Variants in PCDHA9 observed in about 807,000 individuals in gnomAD.
PCDHA9 encodes the protein protocadherin alpha-9.
A neutral mutation model predicts 62.0 loss-of-function variants in PCDHA9; 62 were observed. That is an observed-to-expected ratio of 1.00 (90% CI 0.81 to 1.23). PCDHA9 has a LOEUF of 1.23. Among genes scored for constraint, PCDHA9 ranks in the 50% most tolerant of loss-of-function variants. PCDHA9 has a pLI of 0.00. For synonymous variants in PCDHA9, 557 were observed against 567.6 expected (o/e 0.98, Z 0.27); for missense variants, 1,205 against 1,249.8 (o/e 0.96, Z 0.54).
intron 1 of PCDHA9, among the ~76,000 whole-genome samples, chr5:140,885,031 AT>A (rs1165183992): frequency 6.6e-6 from 1 of 152,198 alleles, no homozygotes; most frequent in Non-Finnish European, 1.5e-5. Flanking sequence ...AATTTAAAAA[AT>A]TTTTAGTTTA....
chr5:140,902,225 A>G (rs1454445915), intron 1 of PCDHA9, among the ~76,000 whole-genome samples: 1 of 114,610 alleles, frequency 8.7e-6, no homozygotes, highest in African/African-American at 3.5e-5. Context: ...TTTTTTTGAG[A>G]TGAGGACTTG....
chr5:140,849,831 GC>G lies in PCDHA9; in HGVS notation c.1338del (p.Asp447ThrfsTer2). 1 of 1,598,564 alleles carries G rather than the reference GC, an allele frequency of 6.3e-7. No individual in the cohort carries two copies. The highest frequency in any genetic ancestry group is 8.6e-7 in the Non-Finnish European group (1 of 1,167,986). ...CACGGCCAGGGTGTCTGTGGAGGTGGCCGACGTGAACGACAACGCACCAGCG... is the reference window on the plus strand; with the variant it reads ...CACGGCCAGGGTGTCTGTGGAGGTGGCGACGTGAACGACAACGCACCAGCG... ...WATARVSVEV[A>X]DVNDNAPAFA... is the part of the protein sequence containing the mutation. On this transcript the variant is annotated frameshift_variant, in exon 1 of 4. Transcript: ENST00000532602. LOFTEE classifies it high-confidence loss of function.
Position 140,848,624 on chromosome 5 carries a change from C to T in PCDHA9, c.129C>T (p.Thr43=). 2 of 1,593,432 alleles carry T rather than the reference C, an allele frequency of 1.3e-6. No homozygotes were observed. Among genetic ancestry groups the T allele is most frequent in the South Asian group, 2.2e-5 (2 of 90,312 alleles). ...TCCCGGAGGAAGCCGAACACGGCAC[C>T]TTCGTGGGCCGCATCGCGCAGGACC... ...YSVPEEAEHG[T]FVGRIAQDLG... Residue 43 remains threonine (T), a synonymous_variant, in exon 1 of 4, where the codon ACC becomes ACT. Coordinates refer to ENST00000532602, the MANE Select transcript of PCDHA9 (RefSeq NM_031857.2).
chr5:140,852,671 T>C (rs1371221007), intron 1 of PCDHA9: 3 of 965,758 alleles, frequency 3.1e-6, no homozygotes, highest in East Asian at 1.1e-4. Context: ...TCAGCACAAC[T>C]CACCTTGAAT....
At position 140,848,937 on chromosome 5, in the gene PCDHA9, C is replaced by G; in HGVS notation, c.442C>G (p.Leu148Val). Reference sequence around the variant, plus strand: ...TCTGTTCATCGCGGAATCCAGGCCGCTTGACTCTCGGTTTCCACTAGAGGG... The same window carrying G: ...TCTGTTCATCGCGGAATCCAGGCCGGTTGACTCTCGGTTTCCACTAGAGGG... ...KNLFIAESRPLDSRFPLEGAS... is the reference protein window; with the variant it reads ...KNLFIAESRPVDSRFPLEGAS... Residue 148 changes from leucine (L) to valine (V), a missense_variant, in exon 1 of 4, where the codon CTT becomes GTT. Leu to Val is a conservative substitution (Grantham distance 32, BLOSUM62 1). This residue lies in a region of PCDHA9 where 208 missense variants were observed against 213.2 expected (regional missense o/e 0.98). Transcript: ENST00000532602. The G allele has an allele frequency of 1.2e-6, 2 of 1,607,518 alleles. No individual in the cohort carries two copies. Among genetic ancestry groups the G allele is most frequent in the Non-Finnish European group, 1.7e-6 (2 of 1,176,888 alleles).
At chr5:140,886,368 C>T (rs1174734883) in intron 1 of PCDHA9, among the ~76,000 whole-genome samples, 2 of 152,040 alleles carry the variant, frequency 1.3e-5, no homozygotes, top group South Asian at 4.1e-4. Context: ...GGTGTACATG[C>T]CATGGTGTGC....
At position 141,010,202 on chromosome 5, in the gene PCDHA9, G is replaced by C; in HGVS notation, c.*265G>C. 6.4e-7 allele frequency: 1 copy of C among 1,551,944 alleles called. No homozygotes were observed. The highest frequency in any genetic ancestry group is 8.7e-7 in the Non-Finnish European group (1 of 1,147,050). The stretch of plus-strand genomic sequence containing the variant: ...CAGACCCAAGTTTCCTTTCTCCTCC[G>C]CCGCAAAGGAGAGGCTTCCCAGCCC... On this transcript the variant is annotated 3_prime_UTR_variant, in exon 4 of 4. Coordinates refer to ENST00000532602, the MANE Select transcript of PCDHA9 (RefSeq NM_031857.2).
intron 1 of PCDHA9, among the ~76,000 whole-genome samples, chr5:140,894,543 T>C (rs782418710): frequency 2.6e-5 from 4 of 152,088 alleles, no homozygotes; most frequent in Non-Finnish European, 4.4e-5. Flanking sequence ...TCTGGTTTAG[T>C]GTTTACTTCT....
At chr5:140,969,598 T>C in intron 1 of PCDHA9, 1 of 790,872 alleles carries the variant, frequency 1.3e-6, no homozygotes, top group Non-Finnish European at 1.9e-6. Context: ...TAATATTTAA[T>C]GCTAAAACAC....
intron 1 of PCDHA9, among the ~76,000 whole-genome samples, chr5:140,900,906 G>C (rs2068354860): frequency 6.6e-6 from 1 of 152,096 alleles, no homozygotes; most frequent in African/African-American, 2.4e-5. Context: ...CATTTTAACT[G>C]TGGTAAGATG....
chr5:140,929,020 A>C (rs1183262810), intron 1 of PCDHA9: 6 of 1,614,070 alleles, frequency 3.7e-6, no homozygotes, highest in Non-Finnish European at 5.1e-6. Flanking sequence ...GTTGCACCAG[A>C]GCCCAGGCTG....
intron 3 of PCDHA9, among the ~76,000 whole-genome samples, chr5:141,006,808 A>T (rs576819521): frequency 1.3e-5 from 2 of 152,322 alleles, no homozygotes; most frequent in East Asian, 3.9e-4. Flanking sequence ...TTCTGGCTTG[A>T]GAAATGGGGT....
intron 1 of PCDHA9, chr5:140,856,371 T>G: frequency 6.3e-7 from 1 of 1,598,432 alleles, no homozygotes; most frequent in South Asian, 1.1e-5. Flanking sequence ...CTGGAGGTGA[T>G]CGTGGACAGG....
In PCDHA9 at chr5:141,010,583, G is replaced by A. The variant is rs1186884021; in HGVS notation, c.*646G>A. The A allele has an allele frequency of 4.1e-5, 10 of 242,992 alleles. No individual in the cohort carries two copies. The highest frequency in any genetic ancestry group is 3.6e-4 in the Admixed American group (7 of 19,606). 15.1% of individuals were successfully genotyped at this position (242,992 alleles called of 1,614,324 possible). A position where few individuals can be genotyped will look rare whatever the true frequency, so the allele number is the denominator to read the frequency against. The stretch of plus-strand genomic sequence containing the variant: ...TGACAAGGCTTTAGGAGACCCTAAA[G>A]TCTGTTGGCTGTGACGTCATTATAC... On this transcript the variant is annotated 3_prime_UTR_variant, in exon 4 of 4. Coordinates refer to ENST00000532602, the MANE Select transcript of PCDHA9 (RefSeq NM_031857.2).
At chr5:140,977,351 AT>A (rs2096757742) in intron 1 of PCDHA9, among the ~76,000 whole-genome samples, 1 of 152,348 alleles carries the variant, frequency 6.6e-6, no homozygotes, top group Non-Finnish European at 1.5e-5. Context: ...ATGATGACTG[AT>A]TGATAAAAAG....
chr5:140,968,422 G>C, intron 1 of PCDHA9: 2 of 1,613,984 alleles, frequency 1.2e-6, no homozygotes, highest in Non-Finnish European at 1.7e-6. Context: ...TGGAGGCTCA[G>C]GACAAGGGGA....
intron 1 of PCDHA9, among the ~76,000 whole-genome samples, chr5:140,888,214 G>T (rs2061741689): frequency 6.6e-6 from 1 of 152,130 alleles, no homozygotes; most frequent in African/African-American, 2.4e-5. Context: ...TGGATTTTGT[G>T]TGTGTGTGCA....
At chr5:140,900,924 A>C (rs553059638) in intron 1 of PCDHA9, among the ~76,000 whole-genome samples, 1 of 152,216 alleles carries the variant, frequency 6.6e-6, no homozygotes, top group South Asian at 2.1e-4. Flanking sequence ...ATGATATCTC[A>C]TTGTAGTTTT....
At position 140,848,707 on chromosome 5, in the gene PCDHA9, G is replaced by T. The variant is rs2150418357; in HGVS notation, c.212G>T (p.Arg71Leu). 8 of 1,592,314 alleles carry T rather than the reference G, an allele frequency of 5.0e-6. 3 individuals are homozygous for T. Among genetic ancestry groups the T allele is most frequent in the Middle Eastern group, 3.5e-4 (2 of 5,774 alleles). ...PRLFQLDSKG[R>L]GDLLEVNLQN... ...CTGTTCCAGTTGGATTCCAAAGGCC[G>T]CGGGGACCTTCTGGAGGTAAATCTG... Residue 71 changes from arginine (R) to leucine (L), a missense_variant, in exon 1 of 4, where the codon CGC becomes CTC. By Grantham distance (102) the Arg-to-Leu change is moderately radical. This residue lies in a region of PCDHA9 where 208 missense variants were observed against 213.2 expected (regional missense o/e 0.98). Coordinates refer to ENST00000532602, the MANE Select transcript of PCDHA9 (RefSeq NM_031857.2).
Sources: gnomAD v4.1 joint callset for allele counts (sites outside exome capture counted in the v4.1 genomes callset) on GRCh38, gnomAD v4.1.1 for gene constraint, gnomAD v4.1.1 regional missense constraint, MANE v1.5 for transcripts, NCBI Gene and HGNC (gene_info 2026-07-23, HGNC 2026-07-21) for gene names.